Variants in MROH1 observed in about 807,000 individuals in gnomAD.
The protein encoded by MROH1 is maestro heat like repeat family member 1.
Under a neutral mutation model 116.5 loss-of-function variants are expected in MROH1, and 117 were observed. That is an observed-to-expected ratio of 1.00 (90% CI 0.86 to 1.17). MROH1 has a LOEUF of 1.17. Ranked by LOEUF, MROH1 falls within the 50% of genes most tolerant of loss-of-function variation. The pLI, the probability that MROH1 is intolerant of heterozygous loss-of-function variation, is 0.00. For synonymous variants in MROH1, 921 were observed against 583.9 expected (o/e 1.58, Z -8.32); for missense variants, 1,873 against 1,338.5 (o/e 1.40, Z -6.23).
At chr8:144,221,770 G>A (rs1209807753) in intron 13 of MROH1, among the ~76,000 whole-genome samples, 2 of 152,086 alleles carry the variant, frequency 1.3e-5, no homozygotes, top group Admixed American at 6.6e-5. Context: ...GAGACCAACC[G>A]GCTCGCTCCT....
At chr8:144,188,313 C>T (rs372831507) in intron 7 of MROH1, among the ~76,000 whole-genome samples, 1 of 152,156 alleles carries the variant, frequency 6.6e-6, no homozygotes, top group Non-Finnish European at 1.5e-5. Context: ...TCACCCATGG[C>T]CCTGGGAGCA....
At chr8:144,237,009 C>T (rs1004726111) in intron 14 of MROH1, among the ~76,000 whole-genome samples, 30 of 146,730 alleles carry the variant, frequency 2.0e-4, no homozygotes, top group African/African-American at 7.3e-4. Context: ...AGGTTCACGC[C>T]GTTCTTCTGC....
rs1053909330 is a variant in MROH1 at position 144,161,575 on chromosome 8, C to T, written c.-57+486C>T. Among the ~76,000 whole-genome samples the T allele has an allele frequency of 9.9e-5, 15 of 152,214 alleles. No individual in the cohort carries two copies. In the East Asian group the frequency reaches 2.1e-3, roughly 21 times the overall value. On this transcript the variant is annotated intron_variant, in intron 2 of 43. Coordinates refer to ENST00000326134, the MANE Select transcript of MROH1 (RefSeq NM_032450.3). ...CCGCCTCATTTCCTACCTCTCAGGC[C>T]GCACAGTCCTTCATTTTCTGATGTC...
chr8:144,166,724 C>G (rs1820927746), intron 3 of MROH1, among the ~76,000 whole-genome samples: 1 of 151,888 alleles, frequency 6.6e-6, no homozygotes, highest in Non-Finnish European at 1.5e-5. Flanking sequence ...GCCGCCCAGC[C>G]AGGGCACTGC....
intron 4 of MROH1, among the ~76,000 whole-genome samples, chr8:144,171,720 C>T (rs1822499277): frequency 1.3e-5 from 2 of 152,174 alleles, no homozygotes; most frequent in Admixed American, 1.3e-4. Context: ...CTGTCTTTCC[C>T]TGGTGCTGGC....
intron 1 of MROH1, among the ~76,000 whole-genome samples, chr8:144,160,136 T>C (rs1465709578): frequency 6.6e-6 from 1 of 152,236 alleles, no homozygotes; most frequent in Non-Finnish European, 1.5e-5. Flanking sequence ...TATTTTTGTG[T>C]TTCTGTTAGT....
intron 1 of MROH1, among the ~76,000 whole-genome samples, chr8:144,153,111 T>C (rs1254282045): frequency 6.6e-6 from 1 of 152,146 alleles, no homozygotes; most frequent in African/African-American, 2.4e-5. Context: ...ACGTGTGAGA[T>C]CACGTGGTCG....
At chr8:144,192,216 T>C in intron 9 of MROH1, 93 bp from the exon 10 acceptor site, 1 of 1,117,684 alleles carries the variant, frequency 8.9e-7, no homozygotes, top group Non-Finnish European at 1.3e-6. Context: ...GGCCCATGTC[T>C]TCCTGTGGCC....
At chr8:144,208,658 G>A (rs765059662) in intron 12 of MROH1, among the ~76,000 whole-genome samples, 3 of 152,030 alleles carry the variant, frequency 2.0e-5, no homozygotes, top group South Asian at 2.1e-4. Context: ...TCAACTTATA[G>A]CATCATATGT....
chr8:144,208,950 C>G (rs1472655985), intron 12 of MROH1, among the ~76,000 whole-genome samples: 1 of 151,928 alleles, frequency 6.6e-6, no homozygotes, highest in East Asian at 1.9e-4. Context: ...TCTTGAACTC[C>G]TGATCTCAGG....
chr8:144,166,928 C>G (rs1187262485), intron 3 of MROH1, among the ~76,000 whole-genome samples: 1 of 152,176 alleles, frequency 6.6e-6, no homozygotes, highest in Non-Finnish European at 1.5e-5. Context: ...AGTCAGATCT[C>G]ATTGATTTGG....
chr8:144,225,931 T>TC (rs1336249495), intron 14 of MROH1, among the ~76,000 whole-genome samples: 1 of 148,958 alleles, frequency 6.7e-6, no homozygotes, highest in African/African-American at 2.5e-5. Flanking sequence ...TTTTTTTTTT[T>TC]TTAGGTGGCG....
intron 1 of MROH1, among the ~76,000 whole-genome samples, chr8:144,152,001 C>T (rs958466027): frequency 1.9e-4 from 29 of 152,338 alleles, no homozygotes; most frequent in Admixed American, 3.3e-4. Context: ...AATTCTTGCA[C>T]GTCCTTTGCT....
At chr8:144,170,270 C>T (rs1822113111) in intron 4 of MROH1, among the ~76,000 whole-genome samples, 1 of 152,210 alleles carries the variant, frequency 6.6e-6, no homozygotes, top group Admixed American at 6.5e-5. Context: ...CCATGCTTGT[C>T]CTACTTTGTT....
In MROH1 at chr8:144,261,703, C is replaced by A; in HGVS notation, c.4889C>A (p.Ala1630Asp). 2.8e-6 allele frequency: 2 copies of A among 726,538 alleles called. No individual in the cohort carries two copies. The highest frequency in any genetic ancestry group is 2.5e-6 in the Non-Finnish European group (1 of 399,232). 45.0% of individuals were successfully genotyped at this position (726,538 alleles called of 1,614,324 possible). Residue 1630 changes from alanine (A) to aspartate (D), a missense_variant, in exon 44 of 44, where the codon GCT (alanine) becomes GAT (aspartate). By Grantham distance (126) the Ala-to-Asp change is moderately radical. Transcript: ENST00000326134. Reference protein sequence around the residue: ...KDPAPEVRTRAAEALGRLVKL... With the variant: ...KDPAPEVRTRDAEALGRLVKL... ...CCGGCCCCCGAGGTGCGGACGAGGG[C>A]TGCTGAGGCCCTGGGCCGCCTGGTG...
At chr8:144,161,739 C>T (rs761089426) in intron 2 of MROH1, among the ~76,000 whole-genome samples, 28 of 152,214 alleles carry the variant, frequency 1.8e-4, no homozygotes, top group Non-Finnish European at 3.4e-4. Context: ...GTTGGGTGAG[C>T]GTGGCTGCTG....
At chr8:144,247,887 A>G (rs1313194944) in intron 31 of MROH1, among the ~76,000 whole-genome samples, 3 of 152,244 alleles carry the variant, frequency 2.0e-5, no homozygotes, top group African/African-American at 7.2e-5. Flanking sequence ...GGGGCAGTGC[A>G]GTCCATATGA....
At chr8:144,251,304 T>C (rs1168432489) in intron 33 of MROH1, 1 of 152,376 alleles carries the variant, frequency 6.6e-6, no homozygotes, top group Admixed American at 6.5e-5. Context: ...GACCTTTCTG[T>C]GTGTTTGTTT....
At chr8:144,253,606 G>A (rs910826656) in intron 33 of MROH1, among the ~76,000 whole-genome samples, 7 of 152,078 alleles carry the variant, frequency 4.6e-5, no homozygotes, top group Non-Finnish European at 1.0e-4. Context: ...ATTTGTCCAC[G>A]TTTCCTGCCA....
Sources: gnomAD v4.1 joint callset for allele counts (sites outside exome capture counted in the v4.1 genomes callset) on GRCh38, gnomAD v4.1.1 for gene constraint, MANE v1.5 for transcripts, NCBI Gene and HGNC (gene_info 2026-07-23, HGNC 2026-07-21) for gene names.